Variants in SLC38A11 observed in about 807,000 individuals in gnomAD.
The protein encoded by SLC38A11 is putative sodium-coupled neutral amino acid transporter 11.
In SLC38A11, 51 loss-of-function variants were observed where a neutral mutation model predicts 49.4. The ratio of observed to expected loss-of-function variants is 1.03; its 90% confidence interval spans 0.83 to 1.30. The LOEUF (loss-of-function observed/expected upper bound fraction) is 1.30. SLC38A11 is among the 50% of genes most tolerant of loss of function. The pLI is 0.00. For synonymous variants in SLC38A11, 203 were observed against 192.9 expected (o/e 1.05, Z -0.43); for missense variants, 574 against 556.2 (o/e 1.03, Z -0.32).
chr2:164,914,288 C>T (rs1250172997), intron 9 of SLC38A11, among the ~76,000 whole-genome samples: 2 of 149,666 alleles, frequency 1.3e-5, no homozygotes, highest in Admixed American at 1.3e-4. Context: ...TACTGCTGGA[C>T]TGCCCTGACT....
chr2:164,927,240 C>T (rs1686665614), intron 7 of SLC38A11, among the ~76,000 whole-genome samples: 1 of 152,184 alleles, frequency 6.6e-6, no homozygotes, highest in Non-Finnish European at 1.5e-5. Flanking sequence ...CCTCTCCAGA[C>T]ACTTTCAAAT....
At chr2:164,936,734 A>G (rs916536667) in intron 7 of SLC38A11, among the ~76,000 whole-genome samples, 6 of 152,174 alleles carry the variant, frequency 3.9e-5, no homozygotes, top group Admixed American at 3.3e-4. Flanking sequence ...GGCAAAGCAT[A>G]CAAACAGTGT....
intron 11 of SLC38A11, among the ~76,000 whole-genome samples, chr2:164,905,789 A>G (rs1173791127): frequency 1.3e-5 from 2 of 152,188 alleles, no homozygotes; most frequent in Non-Finnish European, 2.9e-5. Flanking sequence ...TTTTAAAAAA[A>G]TCTAAAGATC....
chr2:164,915,898 C>G lies in SLC38A11; in HGVS notation c.688+5G>C. The G allele has an allele frequency of 6.3e-7, 1 of 1,594,066 alleles. No homozygotes were observed. The highest frequency in any genetic ancestry group is 8.6e-7 in the Non-Finnish European group (1 of 1,165,450). ...GAGAAAGGGCCTTTGAAACCAAATA[C>G]TCACCAAAAGACATAACCCCGACCG... On this transcript the variant is annotated splice_donor_5th_base_variant and intron_variant, in intron 8 of 11. Coordinates refer to ENST00000685975, the MANE Select transcript of SLC38A11 (RefSeq NM_001351537.2).
chr2:164,952,669 T>G, intron 3 of SLC38A11, 38 bp downstream of exon 3: 1 of 1,316,176 alleles, frequency 7.6e-7, no homozygotes, highest in Non-Finnish European at 1.1e-6. Flanking sequence ...TATTGCACAG[T>G]TGAAGTTGCA....
chr2:164,927,689 C>A (rs1686697574), intron 7 of SLC38A11, among the ~76,000 whole-genome samples: 1 of 152,114 alleles, frequency 6.6e-6, no homozygotes, highest in Non-Finnish European at 1.5e-5. Context: ...CTTTTTGACT[C>A]AACTTATGCT....
In SLC38A11 at chr2:164,936,337, C is replaced by T. The variant is rs566128845; in HGVS notation, c.617+1013G>A. Among the ~76,000 whole-genome samples the T allele has an allele frequency of 6.6e-5, 10 of 152,072 alleles. No homozygotes were observed. In the South Asian group the frequency reaches 2.1e-3, roughly 32 times the overall value. Reference sequence around the variant, plus strand: ...TTTCCTGATAAACTAAGAAGTCTATCAGTGGAAAATGAATTAATTTTGCAA... The same window carrying T: ...TTTCCTGATAAACTAAGAAGTCTATTAGTGGAAAATGAATTAATTTTGCAA... On this transcript the variant is annotated intron_variant, in intron 7 of 11. Coordinates refer to ENST00000685975, the MANE Select transcript of SLC38A11 (RefSeq NM_001351537.2).
chr2:164,945,047 A>G (rs1688011661), intron 4 of SLC38A11, among the ~76,000 whole-genome samples: 2 of 152,302 alleles, frequency 1.3e-5, no homozygotes, highest in South Asian at 4.1e-4. Context: ...TTTTTGGGAA[A>G]TATATTCTTA....
intron 7 of SLC38A11, among the ~76,000 whole-genome samples, chr2:164,923,423 C>T (rs34210345): frequency 0.078 from 11,821 of 152,182 alleles, 488 homozygotes; most frequent in Admixed American, 0.11. Flanking sequence ...TATGAACAGA[C>T]ATTTCCCAAA....
chr2:164,942,442 A>C (rs539346330), intron 5 of SLC38A11, among the ~76,000 whole-genome samples: 3 of 151,568 alleles, frequency 2.0e-5, no homozygotes, highest in African/African-American at 4.8e-5. Context: ...CAAAAAAAAA[A>C]AAAAACAAAA....
intron 6 of SLC38A11, 65 bp from the exon 7 acceptor site, chr2:164,937,494 G>A: frequency 9.1e-7 from 1 of 1,094,282 alleles, no homozygotes; most frequent in South Asian, 1.3e-5. Context: ...AAAATGTTAA[G>A]TCTTTCTCAT....
In SLC38A11 at chr2:164,915,203, G is replaced by C; in HGVS notation, c.759C>G (p.Ser253=). The change falls in exon 9 of 12, where the codon TCC becomes TCG. Residue 253 remains serine, a synonymous_variant. Coordinates refer to ENST00000685975, the MANE Select transcript of SLC38A11 (RefSeq NM_001351537.2). Reference sequence around the variant, plus strand: ...TCACGATGGACATATGGATAAGGCGGGACCACTTAGCTACTGTGGGTTCTT... The same window carrying C: ...TCACGATGGACATATGGATAAGGCGCGACCACTTAGCTACTGTGGGTTCTT... ...SLEEPTVAKW[S]RLIHMSIVIS... 1.2e-6 allele frequency: 2 copies of C among 1,612,306 alleles called. No individual in the cohort carries two copies. The highest frequency in any genetic ancestry group is 1.7e-6 in the Non-Finnish European group (2 of 1,178,892).
intron 7 of SLC38A11, among the ~76,000 whole-genome samples, chr2:164,923,956 C>T (rs761753135): frequency 6.6e-6 from 1 of 152,090 alleles, no homozygotes; most frequent in Non-Finnish European, 1.5e-5. Flanking sequence ...CAAGGAGTCC[C>T]GTTACTGGGT....
At chr2:164,932,747 G>C (rs1687094032) in intron 7 of SLC38A11, among the ~76,000 whole-genome samples, 1 of 151,980 alleles carries the variant, frequency 6.6e-6, no homozygotes, top group Admixed American at 6.6e-5. Context: ...GGTGGAAGTT[G>C]GGAGAAAGAA....
Position 164,911,642 on chromosome 2 carries a change from T to G in SLC38A11, c.957A>C (p.Thr319=), listed in dbSNP as rs1205386281. The part of the protein sequence containing the change: ...ILTYPMECFV[T]REVIANVFFG... ...GGGAAGGAACCGCGCTTACCTCTCT[T>G]GTCACAAAGCATTCCATAGGGTATG... Residue 319 remains threonine, a synonymous_variant, in exon 10 of 12, where the codon ACA becomes ACC. Coordinates refer to ENST00000685975, the MANE Select transcript of SLC38A11 (RefSeq NM_001351537.2). 1.3e-6 allele frequency: 2 copies of G among 1,579,414 alleles called. No individual in the cohort carries two copies. Among genetic ancestry groups the G allele is most frequent in the Admixed American group, 3.6e-5 (2 of 55,840 alleles).
chr2:164,915,182 G>A lies in SLC38A11; in HGVS notation c.780C>T (p.Ile260=), dbSNP rs755296864. 14 of 1,612,178 alleles carry A rather than the reference G, an allele frequency of 8.7e-6. No homozygotes were observed. Among genetic ancestry groups the A allele is most frequent in the African/African-American group, 2.7e-5 (2 of 74,756 alleles). ...ATATACAGATAAATACAGAAATCAC[G>A]ATGGACATATGGATAAGGCGGGACC... The part of the protein sequence containing the change: ...AKWSRLIHMS[I]VISVFICIFF... Residue 260 remains isoleucine (I), a synonymous_variant, in exon 9 of 12, where the codon ATC becomes ATT. Coordinates refer to ENST00000685975, the MANE Select transcript of SLC38A11 (RefSeq NM_001351537.2).
At chr2:164,939,807 A>G (rs1434580151) in intron 5 of SLC38A11, among the ~76,000 whole-genome samples, 1 of 152,024 alleles carries the variant, frequency 6.6e-6, no homozygotes, top group African/African-American at 2.4e-5. Flanking sequence ...AAATTATTTT[A>G]CTAGCCTCCT....
At chr2:164,934,844 T>C (rs1185734656) in intron 7 of SLC38A11, among the ~76,000 whole-genome samples, 1 of 152,154 alleles carries the variant, frequency 6.6e-6, no homozygotes, top group Non-Finnish European at 1.5e-5. Flanking sequence ...TGAATTCAGC[T>C]TCAAAAACCA....
intron 5 of SLC38A11, among the ~76,000 whole-genome samples, chr2:164,941,902 A>G (rs1687792676): frequency 6.6e-6 from 1 of 152,088 alleles, no homozygotes; most frequent in South Asian, 2.1e-4. Flanking sequence ...ATTCTTACGA[A>G]TATCTGAAAT....
Sources: allele counts gnomAD v4.1 joint callset (sites outside exome capture counted in the v4.1 genomes callset), GRCh38; gene constraint gnomAD v4.1.1; transcripts MANE v1.5; gene names NCBI Gene and HGNC (gene_info 2026-07-23, HGNC 2026-07-21).